DNM3: variants seen among roughly 807,000 people sequenced by gnomAD.
DNM3 encodes dynamin 3.
Under a neutral mutation model 101.6 loss-of-function variants are expected in DNM3, and 47 were observed. The ratio of observed to expected loss-of-function variants is 0.46; its 90% CI spans 0.37 to 0.59. DNM3 has a LOEUF of 0.59. Among genes scored for constraint, DNM3 ranks in the 20% least tolerant of loss-of-function variants. The probability of loss-of-function intolerance (pLI) is 0.00; values close to 1 mark genes in which losing one functional copy is unlikely to be tolerated. For missense variants in DNM3, 849 were observed against 1,085.7 expected, an observed-to-expected ratio of 0.78 and a Z score of 3.06; for synonymous variants, 385 against 387.9, an observed-to-expected ratio of 0.99 and a Z score of 0.09.
chr1:172,048,047 A>C (rs914767203), intron 9 of DNM3, among the ~76,000 whole-genome samples: 3 of 152,204 alleles, frequency 2.0e-5, no homozygotes, highest in African/African-American at 7.2e-5. Context: ...AAGCATTATT[A>C]TAACACCAGT....
chr1:172,135,293 A>AGCATTCAAT (rs1558623870), intron 14 of DNM3, among the ~76,000 whole-genome samples: 1 of 152,112 alleles, frequency 6.6e-6, no homozygotes, highest in African/African-American at 2.4e-5. Context: ...CTGATAGGAG[A>AGCATTCAAT]CACTAACTAA....
chr1:172,220,691 G>A (rs2060875420), intron 14 of DNM3, among the ~76,000 whole-genome samples: 1 of 152,154 alleles, frequency 6.6e-6, no homozygotes, highest in Non-Finnish European at 1.5e-5. Context: ...GGAAGGGAAA[G>A]CAGTGTGTTT....
At chr1:172,056,701 A>G (rs1021507102) in intron 10 of DNM3, among the ~76,000 whole-genome samples, 2 of 151,744 alleles carry the variant, frequency 1.3e-5, no homozygotes, top group Non-Finnish European at 3.0e-5. Flanking sequence ...GTACATCACC[A>G]TCATCAAAGA....
chr1:172,325,695 A>G (rs1487590942), intron 17 of DNM3, among the ~76,000 whole-genome samples: 1 of 152,122 alleles, frequency 6.6e-6, no homozygotes, highest in Non-Finnish European at 1.5e-5. Context: ...TTTTCCTCCC[A>G]TGCTGGAATG....
chr1:172,236,346 C>G (rs1439632596), intron 14 of DNM3, among the ~76,000 whole-genome samples: 1 of 152,098 alleles, frequency 6.6e-6, no homozygotes, highest in African/African-American at 2.4e-5. Flanking sequence ...TTTTGTTATA[C>G]TTCAAGAATT....
intron 11 of DNM3, among the ~76,000 whole-genome samples, chr1:172,078,040 T>C (rs2052810720): frequency 6.6e-6 from 1 of 152,172 alleles, no homozygotes; most frequent in Non-Finnish European, 1.5e-5. Context: ...CATTGATCCC[T>C]TTACCATTAT....
At chr1:171,976,000 A>G (rs2044341714) in intron 2 of DNM3, among the ~76,000 whole-genome samples, 1 of 152,154 alleles carries the variant, frequency 6.6e-6, no homozygotes, top group Non-Finnish European at 1.5e-5. Flanking sequence ...TAAAGTTACA[A>G]TAATCAATAA....
chr1:171,964,310 C>A lies in DNM3; in HGVS notation c.236-23346C>A, dbSNP rs551645760. Among the ~76,000 whole-genome samples, 361 of 152,224 alleles carry A rather than the reference C, an allele frequency of 2.4e-3. 2 individuals carry two copies. Among genetic ancestry groups the A allele is most frequent in the African/African-American group, 8.3e-3 (343 of 41,538 alleles). On this transcript the variant is annotated intron_variant, in intron 2 of 20. Transcript: ENST00000627582. Reference sequence around the variant, plus strand: ...CTCTGAAGCCTGCTACTGGAGGCTTCACCTACATAATAAGAACCTCGGCCT... The same window carrying A: ...CTCTGAAGCCTGCTACTGGAGGCTTAACCTACATAATAAGAACCTCGGCCT...
chr1:172,365,417 T>TA (rs2067962330), intron 17 of DNM3, among the ~76,000 whole-genome samples: 1 of 151,934 alleles, frequency 6.6e-6, no homozygotes, highest in Admixed American at 6.6e-5. Context: ...ATTTCTCAAA[T>TA]AAAAATATTT....
chr1:172,043,433 C>T (rs183138039), intron 8 of DNM3, among the ~76,000 whole-genome samples: 4 of 152,142 alleles, frequency 2.6e-5, no homozygotes, highest in Admixed American at 6.5e-5. Context: ...CTTATGTCTT[C>T]GTGTGGGAGG....
rs541925649 is a variant in DNM3, at chr1:172,130,748, C to T, written c.1546-427C>T. Among the ~76,000 whole-genome samples the T allele has an allele frequency of 9.9e-5, 15 of 152,232 alleles. No individual in the cohort carries two copies. In the East Asian group the frequency reaches 2.7e-3, roughly 27 times the overall value. On this transcript the variant is annotated intron_variant, in intron 13 of 20. Transcript: ENST00000627582. The stretch of plus-strand genomic sequence containing the variant: ...TGCTGGCAGGTCTCTGGTGGAAATC[C>T]TAATGGGCTGCAAACTAGGCAAACA...
chr1:172,232,093 G>A (rs1345770282), intron 14 of DNM3, among the ~76,000 whole-genome samples: 1 of 152,100 alleles, frequency 6.6e-6, no homozygotes, highest in African/African-American at 2.4e-5. Flanking sequence ...ACAAAGACTG[G>A]CAAATTGGAT....
Position 172,020,668 on chromosome 1 carries a change from G to A in DNM3, c.590-11734G>A, listed in dbSNP as rs376794454. ...GAACCCGGGAGGTGGAGCTTGCAGT[G>A]GGCCGAGATCACGCCACTGCACTCC... On this transcript the variant is annotated intron_variant, in intron 4 of 20. Coordinates refer to ENST00000627582, the MANE Select transcript of DNM3 (RefSeq NM_015569.5). Among the ~76,000 whole-genome samples the A allele has an allele frequency of 2.5e-3, 369 of 147,570 alleles. 5 individuals carry two copies. The highest frequency in any genetic ancestry group is 3.9e-3 in the South Asian group (18 of 4,616).
chr1:172,036,043 T>A (rs999899624), intron 6 of DNM3, among the ~76,000 whole-genome samples: 1 of 151,066 alleles, frequency 6.6e-6, no homozygotes, highest in African/African-American at 2.4e-5. Context: ...TTAGGGTACA[T>A]GTGCACAATC....
At chr1:172,285,334 T>G (rs1288585326) in intron 15 of DNM3, among the ~76,000 whole-genome samples, 1 of 152,190 alleles carries the variant, frequency 6.6e-6, no homozygotes, top group East Asian at 1.9e-4. Context: ...AGACTACTTA[T>G]GTGGCCCAGA....
chr1:172,254,095 C>T (rs771488247), intron 15 of DNM3, among the ~76,000 whole-genome samples: 2 of 152,030 alleles, frequency 1.3e-5, no homozygotes, highest in Non-Finnish European at 2.9e-5. Flanking sequence ...GCGTGCATGC[C>T]ACTGTGTCTG....
rs775473337 is a variant in DNM3, at chr1:172,027,615, CACAG to C, written c.590-4785_590-4782del. ...ACACACACACACACACACACACACACACAGAGAGAGAGAAATTGGATACAGAGTC... is the reference window on the plus strand; with the variant it reads ...ACACACACACACACACACACACACACAGAGAGAGAAATTGGATACAGAGTC... On this transcript the variant is annotated intron_variant, in intron 4 of 20. Coordinates refer to ENST00000627582, the MANE Select transcript of DNM3 (RefSeq NM_015569.5). 9.8e-4 allele frequency among the ~76,000 whole-genome samples: 136 copies of C among 139,162 alleles called. 1 individual carries two copies. The highest frequency in any genetic ancestry group is 2.5e-3 in the African/African-American group (86 of 34,450). The allele number at this position is 139,162 out of a possible 152,430, so 91.3% of individuals were successfully genotyped here.
At position 171,841,562 on chromosome 1, in the gene DNM3, G is replaced by C. The variant is rs1480664733; in HGVS notation, c.-95G>C. On this transcript the variant is annotated 5_prime_UTR_variant, in exon 1 of 21. Transcript: ENST00000627582. ...CGCCAGGACCTGGCTGGCTGAGCCC[G>C]GCGCAGCAGCAGCAGCCAGGGCAGC... 2 of 1,475,090 alleles carry C rather than the reference G, an allele frequency of 1.4e-6. No individual in the cohort carries two copies. The highest frequency in any genetic ancestry group is 1.8e-6 in the Non-Finnish European group (2 of 1,113,130). The allele number at this position is 1,475,090 out of a possible 1,614,324, so 91.4% of individuals were successfully genotyped here.
In DNM3 at chr1:172,020,786, C is replaced by T. The variant is rs115141985; in HGVS notation, c.590-11616C>T. On this transcript the variant is annotated intron_variant, in intron 4 of 20. Coordinates refer to ENST00000627582, the MANE Select transcript of DNM3 (RefSeq NM_015569.5). ...GATATTTCCAGTTGATCACTTTCCT[C>T]CTTTCCCTACCAGAAGCATAAGGGG... Among the ~76,000 whole-genome samples, 837 of 150,948 alleles carry T rather than the reference C, an allele frequency of 5.5e-3. 3 individuals carry two copies. The highest frequency in any genetic ancestry group is 0.021 in the Middle Eastern group (6 of 292).
Sources: allele counts gnomAD v4.1 joint callset (sites outside exome capture counted in the v4.1 genomes callset), GRCh38; gene constraint gnomAD v4.1.1; transcripts MANE v1.5; gene names NCBI Gene and HGNC (gene_info 2026-07-23, HGNC 2026-07-21).